MAD1L1: variants seen among roughly 807,000 people sequenced by gnomAD.
MAD1L1 encodes the protein mitotic arrest deficient 1 like 1.
A neutral mutation model predicts 96.9 loss-of-function variants in MAD1L1; 95 were observed. That is an observed-to-expected ratio of 0.98 (90% CI 0.83 to 1.16). MAD1L1 has a LOEUF of 1.16. Ranked by LOEUF, MAD1L1 falls within the 50% of genes most tolerant of loss-of-function variation. The pLI is 0.00. For synonymous variants in MAD1L1, 473 were observed against 396.6 expected (o/e 1.19, Z -2.29); for missense variants, 1,007 against 954.4 (o/e 1.06, Z -0.73).
intron 11 of MAD1L1, among the ~76,000 whole-genome samples, chr7:2,147,550 C>T (rs955645570): frequency 1.3e-5 from 2 of 152,204 alleles, no homozygotes; most frequent in Non-Finnish European, 2.9e-5. Flanking sequence ...CTGAGGACCT[C>T]GTCTCACCCC....
intron 14 of MAD1L1, among the ~76,000 whole-genome samples, chr7:1,994,523 G>C (rs1781475064): frequency 6.6e-6 from 1 of 152,004 alleles, no homozygotes; most frequent in Non-Finnish European, 1.5e-5. Context: ...GACTGGGCAG[G>C]GCAGTGAGCG....
At chr7:2,010,244 C>T (rs1016824760) in intron 13 of MAD1L1, among the ~76,000 whole-genome samples, 2 of 151,912 alleles carry the variant, frequency 1.3e-5, no homozygotes, top group Non-Finnish European at 2.9e-5. Context: ...AAACCACCCA[C>T]GGCAGCCAAG....
chr7:2,144,324 G>A lies in MAD1L1; in HGVS notation c.1073+4828C>T, dbSNP rs146984046. Among the ~76,000 whole-genome samples, 227 of 152,322 alleles carry A rather than the reference G, an allele frequency of 1.5e-3. 2 individuals carry two copies. The highest frequency in any genetic ancestry group is 4.9e-3 in the African/African-American group (204 of 41,584). On this transcript the variant is annotated intron_variant, in intron 11 of 18. Transcript: ENST00000265854. ...ACTGACTGCTCTCAGCGTCCCCATC[G>A]TCATTCATCGCCGGGATTACAGATG...
intron 16 of MAD1L1, among the ~76,000 whole-genome samples, chr7:1,938,871 C>CAGACACAGTCCA: frequency 8.5e-6 from 1 of 117,092 alleles, no homozygotes; most frequent in Non-Finnish European, 1.8e-5. Context: ...CACACACACA[C>CAGACACAGTCCA]GGACACAGTC....
chr7:1,914,105 G>A (rs1447993420), intron 17 of MAD1L1, among the ~76,000 whole-genome samples: 1 of 152,170 alleles, frequency 6.6e-6, no homozygotes, highest in Non-Finnish European at 1.5e-5. Flanking sequence ...CACAATGGGG[G>A]ACATACTCTC....
intron 10 of MAD1L1, among the ~76,000 whole-genome samples, chr7:2,183,718 C>T (rs1160264219): frequency 2.0e-5 from 3 of 151,396 alleles, no homozygotes; most frequent in Non-Finnish European, 4.4e-5. Context: ...CACATGGACA[C>T]AGGAAGGGGA....
At chr7:2,076,398 G>A (rs1410359924) in intron 11 of MAD1L1, among the ~76,000 whole-genome samples, 1 of 152,192 alleles carries the variant, frequency 6.6e-6, no homozygotes, top group Non-Finnish European at 1.5e-5. Flanking sequence ...ACAGGGGCTG[G>A]TCATCTGCAA....
At chr7:2,051,036 C>A (rs1205973436) in intron 12 of MAD1L1, among the ~76,000 whole-genome samples, 2 of 152,200 alleles carry the variant, frequency 1.3e-5, no homozygotes, top group Non-Finnish European at 2.9e-5. Flanking sequence ...TGGATTTCTT[C>A]GAAACTGAGT....
At chr7:2,154,211 G>A (rs936089868) in intron 10 of MAD1L1, among the ~76,000 whole-genome samples, 1 of 152,186 alleles carries the variant, frequency 6.6e-6, no homozygotes, top group Non-Finnish European at 1.5e-5. Context: ...GGAATGGGAG[G>A]TGACCGTGTC....
chr7:1,929,803 C>T (rs1583820736), intron 17 of MAD1L1, among the ~76,000 whole-genome samples: 1 of 85,338 alleles, frequency 1.2e-5, no homozygotes, highest in South Asian at 3.8e-4. Flanking sequence ...CCCCTCGCCC[C>T]GTCCCCACTG....
intron 12 of MAD1L1, among the ~76,000 whole-genome samples, chr7:2,043,253 G>A (rs925942459): frequency 6.6e-6 from 1 of 152,168 alleles, no homozygotes; most frequent in Non-Finnish European, 1.5e-5. Flanking sequence ...CCATCGGAGG[G>A]GCACAGGGTA....
chr7:1,985,556 G>GGT (rs1781101657), intron 14 of MAD1L1, among the ~76,000 whole-genome samples: 1 of 152,248 alleles, frequency 6.6e-6, no homozygotes, highest in Non-Finnish European at 1.5e-5. Context: ...ACCTTTAGAT[G>GGT]GTGTGTCTGT....
At chr7:1,913,422 C>A (rs561968205) in intron 17 of MAD1L1, among the ~76,000 whole-genome samples, 1 of 82,140 alleles carries the variant, frequency 1.2e-5, no homozygotes, top group Non-Finnish European at 2.6e-5. Flanking sequence ...GGAATCCGCG[C>A]GTGCACGCCC....
intron 18 of MAD1L1, among the ~76,000 whole-genome samples, chr7:1,854,958 C>A (rs1407849760): frequency 1.3e-5 from 2 of 152,246 alleles, no homozygotes; most frequent in Non-Finnish European, 2.9e-5. Flanking sequence ...CCATGCTCCA[C>A]CTCTCGTCCA....
At chr7:1,939,832 C>T (rs1249441544) in intron 16 of MAD1L1, among the ~76,000 whole-genome samples, 3 of 146,744 alleles carry the variant, frequency 2.0e-5, no homozygotes, top group Admixed American at 6.8e-5. Context: ...CGAAGGACGG[C>T]GAGGCCTGGC....
In MAD1L1 at chr7:1,936,943, C is replaced by G. The variant is rs369291567; in HGVS notation, c.1597-46G>C. 15 of 1,473,566 alleles carry G rather than the reference C, an allele frequency of 1.0e-5. No homozygotes were observed. The African/African-American group carries it at 1.7e-4, about 16-fold the overall frequency. The allele number at this position is 1,473,566 out of a possible 1,614,324, so 91.3% of individuals were successfully genotyped here. A position where few individuals can be genotyped will look rare whatever the true frequency, so the allele number is the denominator to read the frequency against. On this transcript the variant is annotated intron_variant, in intron 16 of 18. Transcript: ENST00000265854. ...CAGGTCACCATGGCCCAGGCACACACGCAGCACGGGTCACACACAGCATGG... is the reference window on the plus strand; with the variant it reads ...CAGGTCACCATGGCCCAGGCACACAGGCAGCACGGGTCACACACAGCATGG...
At chr7:2,039,664 T>A (rs1197814443) in intron 12 of MAD1L1, among the ~76,000 whole-genome samples, 1 of 152,198 alleles carries the variant, frequency 6.6e-6, no homozygotes, top group African/African-American at 2.4e-5. Context: ...GGTAAAAAGG[T>A]CTGTCTATAT....
intron 10 of MAD1L1, among the ~76,000 whole-genome samples, chr7:2,189,046 C>T (rs190701823): frequency 3.1e-4 from 47 of 152,260 alleles, no homozygotes; most frequent in Admixed American, 6.5e-4. Flanking sequence ...AAAGAAGACA[C>T]ACAACTGGCC....
intron 16 of MAD1L1, among the ~76,000 whole-genome samples, chr7:1,942,063 C>T (rs114664768): frequency 6.6e-6 from 1 of 152,198 alleles, no homozygotes; most frequent in African/African-American, 2.4e-5. Context: ...GACCTCCACG[C>T]GTTCGTTCCT....
Sources: gnomAD v4.1 joint callset for allele counts (sites outside exome capture counted in the v4.1 genomes callset) on GRCh38, gnomAD v4.1.1 for gene constraint, MANE v1.5 for transcripts, NCBI Gene and HGNC (gene_info 2026-07-23, HGNC 2026-07-21) for gene names.